The following MYT1L variants were observed in gnomAD, a reference collection of about 807,000 sequenced individuals.
MYT1L encodes myelin transcription factor 1-like protein.
In MYT1L, 12 loss-of-function variants were observed where a neutral mutation model predicts 126.7. The ratio of observed to expected loss-of-function variants is 0.09; its 90% confidence interval spans 0.06 to 0.15. The LOEUF (loss-of-function observed/expected upper bound fraction) is 0.15. Among genes scored for constraint, MYT1L ranks in the 10% least tolerant of loss-of-function variants. MYT1L has a pLI of 1.00. For missense variants in MYT1L, 979 were observed against 1,585.2 expected (o/e 0.62, Z 6.49); for synonymous variants, 541 against 604.2 (o/e 0.90, Z 1.53).
intron 4 of MYT1L, among the ~76,000 whole-genome samples, chr2:2,038,277 G>T (rs2067112434): frequency 6.6e-6 from 1 of 152,170 alleles, no homozygotes; most frequent in Admixed American, 6.5e-5. Flanking sequence ...GTTTGGGGTT[G>T]TCTTTTAAAT....
At chr2:2,003,986 CAAG>C (rs2062721737) in intron 4 of MYT1L, among the ~76,000 whole-genome samples, 3 of 150,540 alleles carry the variant, frequency 2.0e-5, no homozygotes, top group African/African-American at 7.4e-5. Flanking sequence ...TTCTTTCCTG[CAAG>C]CGTTCTTTCC....
At chr2:2,112,991 C>T (rs891489496) in intron 3 of MYT1L, among the ~76,000 whole-genome samples, 1 of 152,130 alleles carries the variant, frequency 6.6e-6, no homozygotes, top group Non-Finnish European at 1.5e-5. Context: ...GCTTGGAAGG[C>T]AGCAAGTGCT....
intron 19 of MYT1L, among the ~76,000 whole-genome samples, chr2:1,850,314 G>A (rs1274821251): frequency 6.6e-6 from 1 of 151,134 alleles, no homozygotes; most frequent in African/African-American, 2.4e-5. Context: ...GGCCTCATCT[G>A]CGTCTGGACT....
chr2:2,111,979 T>C (rs1333948710), intron 3 of MYT1L, among the ~76,000 whole-genome samples: 1 of 152,262 alleles, frequency 6.6e-6, no homozygotes, highest in Non-Finnish European at 1.5e-5. Context: ...AAGCCTGTTC[T>C]ATATTGTTCT....
intron 3 of MYT1L, among the ~76,000 whole-genome samples, chr2:2,057,482 A>G (rs930399567): frequency 2.7e-5 from 4 of 150,940 alleles, no homozygotes; most frequent in African/African-American, 9.8e-5. Flanking sequence ...TGCCACGTCC[A>G]TCCCCCTTCC....
intron 3 of MYT1L, among the ~76,000 whole-genome samples, chr2:2,123,188 A>T (rs2081275360): frequency 6.6e-6 from 1 of 152,156 alleles, no homozygotes; most frequent in South Asian, 2.1e-4. Flanking sequence ...GTTTTTCTGT[A>T]ATCCTAGGAT....
intron 14 of MYT1L, among the ~76,000 whole-genome samples, chr2:1,898,514 C>T (rs58589351): frequency 0.062 from 9,510 of 152,282 alleles, 876 homozygotes; most frequent in African/African-American, 0.21. Context: ...CCTCAGTGTC[C>T]TTGGCACAGC....
At chr2:1,875,225 A>G (rs1473172004) in intron 18 of MYT1L, among the ~76,000 whole-genome samples, 1 of 152,108 alleles carries the variant, frequency 6.6e-6, no homozygotes, top group Non-Finnish European at 1.5e-5. Context: ...CTGCGGGGAA[A>G]GGTCACAGTG....
chr2:1,943,012 C>G lies in MYT1L; in HGVS notation c.475G>C (p.Glu159Gln), dbSNP rs1327750109. ...VEDEEEEEEE[E>Q]EEEEEEEENE... ...TCTTCTTCCTCTTCCTCCTCCTCCT[C>G]CTCCTCCTCTTCCTCTTCTTCATCC... Residue 159 changes from glutamate (E) to glutamine (Q), a missense_variant, in exon 9 of 25, where the codon GAG becomes CAG. Transcript: ENST00000647738. The surrounding 1 kb of genome is among the most constrained non-coding windows in gnomAD (Gnocchi z 4.4). 9 of 1,536,704 alleles carry G rather than the reference C, an allele frequency of 5.9e-6. No homozygotes were observed. Among genetic ancestry groups the G allele is most frequent in the Non-Finnish European group, 7.9e-6 (9 of 1,134,486 alleles).
chr2:1,819,561 G>A (rs1205552519), intron 21 of MYT1L, among the ~76,000 whole-genome samples: 1 of 152,198 alleles, frequency 6.6e-6, no homozygotes, highest in African/African-American at 2.4e-5. Context: ...TCCTCCTGCA[G>A]CCTCTCTCCA....
intron 18 of MYT1L, among the ~76,000 whole-genome samples, chr2:1,865,988 C>T (rs2045407033): frequency 6.6e-6 from 1 of 152,162 alleles, no homozygotes; most frequent in South Asian, 2.1e-4. Context: ...AGCTGTCCCA[C>T]CTCAGAGGCA....
In MYT1L at chr2:1,887,718, G is replaced by C. The variant is rs1285798132; in HGVS notation, c.2521-109C>G. ...GCCTCTACATCTTACACCTCTTTCT[G>C]CTGTACCTTTAAGATCCTTTTGGTC... is the stretch of plus-strand genomic sequence containing the variant. On this transcript the variant is annotated intron_variant, in intron 16 of 24. Coordinates refer to ENST00000647738, the MANE Select transcript of MYT1L (RefSeq NM_001303052.2). This position sits in a 1 kb window ranked among gnomAD's most constrained non-coding sequence, Gnocchi z 4.8. 1.5e-6 allele frequency: 2 copies of C among 1,307,476 alleles called. No individual in the cohort carries two copies. The highest frequency in any genetic ancestry group is 3.9e-5 in the Admixed American group (2 of 51,662). 81.0% of individuals were successfully genotyped at this position (1,307,476 alleles called of 1,614,324 possible). A position where few individuals can be genotyped will look rare whatever the true frequency, so the allele number is the denominator to read the frequency against.
At chr2:1,995,398 C>T (rs562719160) in intron 5 of MYT1L, among the ~76,000 whole-genome samples, 3 of 152,024 alleles carry the variant, frequency 2.0e-5, no homozygotes, top group African/African-American at 2.4e-5. Flanking sequence ...AGAAATGCAC[C>T]GCTAATATCA....
intron 9 of MYT1L, among the ~76,000 whole-genome samples, chr2:1,928,230 G>A (rs1437875659): frequency 3.3e-5 from 5 of 152,212 alleles, no homozygotes; most frequent in African/African-American, 1.2e-4. Context: ...GTTAGCTACT[G>A]CACCTGGTCA....
intron 23 of MYT1L, among the ~76,000 whole-genome samples, chr2:1,795,985 T>A (rs922357191): frequency 2.0e-5 from 3 of 152,208 alleles, no homozygotes; most frequent in Non-Finnish European, 4.4e-5. Flanking sequence ...GGGCCTGACA[T>A]TGAAAGCTAA....
In MYT1L at chr2:2,208,945, T is replaced by C. The variant is rs2093407500; in HGVS notation, c.-420-35957A>G. 3.4e-5 allele frequency among the ~76,000 whole-genome samples: 5 copies of C among 146,994 alleles called. No homozygotes were observed. In the South Asian group the frequency reaches 1.1e-3, roughly 31 times the overall value. On this transcript the variant is annotated intron_variant, in intron 2 of 24. Transcript: ENST00000647738. ...TTTATCAAAATTTAGCTAATCACTT[T>C]CCATCATTTTTCAAATGTCATAGGT...
rs150171040 is a variant in MYT1L at position 2,208,458 on chromosome 2, C to T, written c.-420-35470G>A. 8.5e-4 allele frequency among the ~76,000 whole-genome samples: 130 copies of T among 152,214 alleles called. 1 individual carries two copies. The highest frequency in any genetic ancestry group is 1.6e-3 in the Non-Finnish European group (108 of 68,018). ...TCCCACCCTCATGTGCAAGCAGGTG[C>T]AGTGCCATCCAAGCAGGTACAGTTT... On this transcript the variant is annotated intron_variant, in intron 2 of 24. Coordinates refer to ENST00000647738, the MANE Select transcript of MYT1L (RefSeq NM_001303052.2).
intron 19 of MYT1L, 78 bp downstream of exon 19, chr2:1,851,563 G>T: frequency 7.0e-7 from 1 of 1,420,230 alleles, no homozygotes; most frequent in Non-Finnish European, 9.9e-7. Context: ...CGCAAGGCTT[G>T]GAGCCTGACG....
chr2:2,241,275 T>C (rs80218259), intron 2 of MYT1L, among the ~76,000 whole-genome samples: 3 of 150,746 alleles, frequency 2.0e-5, no homozygotes, highest in Admixed American at 2.0e-4. Flanking sequence ...AATACATCTT[T>C]TGTGTGTGTG....
Sources: allele counts gnomAD v4.1 joint callset (sites outside exome capture counted in the v4.1 genomes callset), GRCh38; gene constraint gnomAD v4.1.1; non-coding constraint Gnocchi (gnomAD v3.1); transcripts MANE v1.5; gene names NCBI Gene and HGNC (gene_info 2026-07-23, HGNC 2026-07-21).